TOPBP1: variants seen among roughly 807,000 people sequenced by gnomAD.
TOPBP1 encodes DNA topoisomerase II binding protein 1.
TOPBP1 carries 28 observed loss-of-function variants against 167.7 expected under a neutral mutation model. The observed-to-expected ratio is 0.17, with a 90% CI of 0.12 to 0.23. The LOEUF is 0.23. Among genes scored for constraint, TOPBP1 ranks in the 10% least tolerant of loss-of-function variants. The pLI is 1.00. For missense variants in TOPBP1, 1,554 were observed against 1,809.6 expected, an observed-to-expected ratio of 0.86 and a Z score of 2.56; for synonymous variants, 598 against 611.4, an observed-to-expected ratio of 0.98 and a Z score of 0.32.
intron 5 of TOPBP1, 50 bp downstream of exon 5, chr3:133,656,626 T>C: frequency 6.6e-7 from 1 of 1,511,594 alleles, no homozygotes. Context: ...CAAAAATGAT[T>C]GAATGCATCA....
Position 133,623,444 on chromosome 3 carries a change from C to T in TOPBP1, c.2942G>A (p.Cys981Tyr), listed in dbSNP as rs200833347. Residue 981 changes from cysteine (C) to tyrosine (Y), a missense_variant, in exon 18 of 28, where the codon TGT becomes TAT. By Grantham distance (194) the Cys-to-Tyr change is radical. This residue lies in a region of TOPBP1 where 1,197 missense variants were observed against 1,351.5 expected (regional missense o/e 0.89). Transcript: ENST00000260810. ...EHWLLDCAQE[C>Y]KHLPESLYPH... ...ATAAAGAGATTCAGGAAGATGTTTA[C>T]ACTCTTGGGCACACTGCAATACAAT... The T allele has an allele frequency of 2.5e-4, 398 of 1,610,312 alleles. 2 individuals carry two copies. Among genetic ancestry groups the T allele is most frequent in the Middle Eastern group, 9.9e-4 (6 of 6,056 alleles).
At chr3:133,653,217 A>G in intron 7 of TOPBP1, 128 bp downstream of exon 7, 1 of 898,724 alleles carries the variant, frequency 1.1e-6, no homozygotes, top group Non-Finnish European at 1.6e-6. Flanking sequence ...CTATTATACA[A>G]TTATGCCTAG....
Position 133,623,163 on chromosome 3 carries a change from C to T in TOPBP1, c.3106G>A (p.Val1036Ile). The stretch of plus-strand genomic sequence containing the variant: ...TTATTATTGGTGGCCATATTGTCTA[C>T]ATCATTTTCTTCTAAAATCAAAGGA... Reference protein sequence around the residue: ...PDPLILEENDVDNMATNNKES... With the variant: ...PDPLILEENDIDNMATNNKES... Residue 1036 changes from valine (V) to isoleucine (I), a missense_variant, in exon 19 of 28, where the codon GTA becomes ATA. This residue lies in a region of TOPBP1 where 1,197 missense variants were observed against 1,351.5 expected (regional missense o/e 0.89). Coordinates refer to ENST00000260810, the MANE Select transcript of TOPBP1 (RefSeq NM_007027.4). 1 of 1,612,562 alleles carries T rather than the reference C, an allele frequency of 6.2e-7. No individual in the cohort carries two copies. Among genetic ancestry groups the T allele is most frequent in the Non-Finnish European group, 8.5e-7 (1 of 1,179,138 alleles).
chr3:133,642,719 C>CT (rs1208245721), intron 12 of TOPBP1, among the ~76,000 whole-genome samples: 6 of 152,162 alleles, frequency 3.9e-5, no homozygotes, highest in Non-Finnish European at 8.8e-5. Context: ...GGGTTACAGT[C>CT]TTATCATTCC....
chr3:133,614,840 G>T (rs183407887), intron 23 of TOPBP1, among the ~76,000 whole-genome samples: 16 of 132,852 alleles, frequency 1.2e-4, no homozygotes, highest in African/African-American at 4.4e-4. Context: ...GGTGGGGGGA[G>T]GGGGGAGGGA....
intron 10 of TOPBP1, among the ~76,000 whole-genome samples, chr3:133,649,130 C>T (rs561683346): frequency 1.3e-5 from 2 of 152,062 alleles, no homozygotes; most frequent in Non-Finnish European, 2.9e-5. Flanking sequence ...CAAACTCACA[C>T]ACAAACCAAG....
intron 6 of TOPBP1, among the ~76,000 whole-genome samples, chr3:133,654,165 A>G (rs1936399190): frequency 6.6e-6 from 1 of 152,196 alleles, no homozygotes; most frequent in Non-Finnish European, 1.5e-5. Flanking sequence ...GGGTTTGCAT[A>G]TAGGCTCCAT....
intron 10 of TOPBP1, among the ~76,000 whole-genome samples, chr3:133,647,554 C>A (rs533437110): frequency 1.3e-5 from 2 of 152,212 alleles, no homozygotes; most frequent in East Asian, 3.9e-4. Context: ...ACAAAAAATA[C>A]AAATACAAAA....
At chr3:133,636,373 C>G (rs1041372873) in intron 14 of TOPBP1, among the ~76,000 whole-genome samples, 3 of 141,544 alleles carry the variant, frequency 2.1e-5, no homozygotes, top group African/African-American at 5.3e-5. Flanking sequence ...ATTCAACATA[C>G]CATATTATAT....
In TOPBP1 at chr3:133,640,173, GA is replaced by G. The variant is rs1184331880; in HGVS notation, c.2022-4del. On this transcript the variant is annotated splice_region_variant and splice_polypyrimidine_tract_variant and intron_variant, in intron 12 of 27. Transcript: ENST00000260810. Reference sequence around the variant, plus strand: ...TGCGAACAAAGTATTCTTGAACACTGAAATTTATGTTTAAAGAAGTGGAAAT... The same window carrying G: ...TGCGAACAAAGTATTCTTGAACACTGAATTTATGTTTAAAGAAGTGGAAAT... The G allele has an allele frequency of 6.2e-7, 1 of 1,609,208 alleles. No individual in the cohort carries two copies. The highest frequency in any genetic ancestry group is 8.5e-7 in the Non-Finnish European group (1 of 1,177,426).
At chr3:133,615,199 G>T (rs905693559) in intron 23 of TOPBP1, among the ~76,000 whole-genome samples, 9 of 152,024 alleles carry the variant, frequency 5.9e-5, no homozygotes, top group Non-Finnish European at 1.0e-4. Context: ...GCCAGGTGCG[G>T]TGGCTCATGC....
intron 12 of TOPBP1, 96 bp from the exon 13 acceptor site, chr3:133,640,266 T>C (rs781550750): frequency 1.2e-5 from 12 of 1,035,192 alleles, no homozygotes; most frequent in African/African-American, 1.1e-4. Flanking sequence ...TTAGAGATCA[T>C]GTAAGTATAA....
intron 23 of TOPBP1, among the ~76,000 whole-genome samples, chr3:133,614,211 C>T (rs1052439900): frequency 4.6e-5 from 7 of 152,148 alleles, no homozygotes; most frequent in Admixed American, 1.3e-4. Context: ...ACTTAAAGTG[C>T]TCCAGATTAC....
chr3:133,640,707 C>T, intron 12 of TOPBP1, among the ~76,000 whole-genome samples: 1 of 152,130 alleles, frequency 6.6e-6, no homozygotes, highest in East Asian at 1.9e-4. Flanking sequence ...CCTCACACAG[C>T]CAAAATTACC....
intron 27 of TOPBP1, 100 bp from the exon 28 acceptor site, chr3:133,601,493 A>ATC (rs1052375213): frequency 1.4e-5 from 14 of 980,308 alleles, no homozygotes; most frequent in Admixed American, 7.0e-5. Context: ...TCAGGGATGA[A>ATC]TCTGACAAAC....
intron 3 of TOPBP1, 121 bp from the exon 4 acceptor site, chr3:133,658,062 G>A: frequency 1.4e-6 from 1 of 703,948 alleles, no homozygotes; most frequent in Non-Finnish European, 2.1e-6. Context: ...AGAGAAATCA[G>A]CAAATCATTA....
chr3:133,619,102 G>A (rs1350151285), intron 20 of TOPBP1, among the ~76,000 whole-genome samples: 2 of 140,650 alleles, frequency 1.4e-5, no homozygotes, highest in African/African-American at 2.6e-5. Context: ...AACTTACACT[G>A]TGGAGAAGCA....
intron 19 of TOPBP1, among the ~76,000 whole-genome samples, chr3:133,622,660 TATGTTA>T (rs1935132090): frequency 6.6e-6 from 1 of 152,156 alleles, no homozygotes; most frequent in South Asian, 2.1e-4. Flanking sequence ...ACCATGTGGA[TATGTTA>T]AAATATATTG....
intron 24 of TOPBP1, 115 bp downstream of exon 24, chr3:133,612,274 A>G: frequency 8.5e-7 from 1 of 1,180,490 alleles, no homozygotes; most frequent in Non-Finnish European, 1.2e-6. Flanking sequence ...TCCTGATCTC[A>G]GGTGATCCAC....
Sources: allele counts gnomAD v4.1 joint callset (sites outside exome capture counted in the v4.1 genomes callset), GRCh38; gene constraint gnomAD v4.1.1; regional missense constraint gnomAD v4.1.1; transcripts MANE v1.5; gene names NCBI Gene and HGNC (gene_info 2026-07-23, HGNC 2026-07-21).